Variants in DLEC1 observed in about 807,000 individuals in gnomAD.
DLEC1 encodes the protein deleted in lung and esophageal cancer protein 1.
Under a neutral mutation model 198.1 loss-of-function variants are expected in DLEC1, and 146 were observed. The observed-to-expected ratio is 0.74, with a 90% CI of 0.64 to 0.85. DLEC1 has a LOEUF of 0.85. DLEC1 is among the 40% of genes least tolerant of loss of function. The pLI, the probability that DLEC1 is intolerant of heterozygous loss-of-function variation, is 0.00. For missense variants in DLEC1, 2,233 were observed against 2,220.0 expected, an observed-to-expected ratio of 1.01 and a Z score of -0.12; for synonymous variants, 897 against 866.8, an observed-to-expected ratio of 1.03 and a Z score of -0.61.
At chr3:38,116,263 G>C (rs1205845893) in intron 27 of DLEC1, among the ~76,000 whole-genome samples, 190 bp from the exon 28 acceptor site, 1 of 152,210 alleles carries the variant, frequency 6.6e-6, no homozygotes, top group East Asian at 1.9e-4. Context: ...AACGGCATAA[G>C]CCTGTAAAGC....
chr3:38,122,160 A>G lies in DLEC1; in HGVS notation c.5110A>G (p.Thr1704Ala), dbSNP rs983346608. 36 of 1,613,716 alleles carry G rather than the reference A, an allele frequency of 2.2e-5. No individual in the cohort carries two copies. The highest frequency in any genetic ancestry group is 2.5e-5 in the Non-Finnish European group (29 of 1,179,924). The change falls in exon 36 of 37, where the codon ACC (threonine) becomes GCC (alanine). Residue 1704 changes from threonine (T) to alanine (A), a missense_variant. Physicochemically the swap from Thr to Ala is moderately conservative, Grantham distance 58. Coordinates refer to ENST00000308059, the MANE Select transcript of DLEC1 (RefSeq NM_007335.4). ...AGCACGATCCGCCAATGCACCCCCA[A>G]CCTCCATCGCCTTGCAGGTTTTCTT... is the stretch of plus-strand genomic sequence containing the variant. Reference protein sequence around the residue: ...LEARSANAPPTSIALQVFFTA... With the variant: ...LEARSANAPPASIALQVFFTA...
chr3:38,039,807 T>C (rs527662017), intron 1 of DLEC1, among the ~76,000 whole-genome samples, 171 bp downstream of exon 1: 5 of 152,298 alleles, frequency 3.3e-5, no homozygotes, highest in African/African-American at 1.2e-4. Flanking sequence ...GCTCTATCCA[T>C]ACACACACAT....
Position 38,089,022 on chromosome 3 carries a change from G to A in DLEC1, c.1665+634G>A, listed in dbSNP as rs145319878. Among the ~76,000 whole-genome samples the A allele has an allele frequency of 2.6e-4, 39 of 152,214 alleles. 1 individual carries two copies. Among genetic ancestry groups the A allele is most frequent in the African/African-American group, 9.1e-4 (38 of 41,538 alleles). Reference sequence around the variant, plus strand: ...CACACTGCCACTCTCCCCGACTCCTGGTCTAGGAGTCTGACTCCACTTCAT... The same window carrying A: ...CACACTGCCACTCTCCCCGACTCCTAGTCTAGGAGTCTGACTCCACTTCAT... On this transcript the variant is annotated intron_variant, in intron 10 of 36. Coordinates refer to ENST00000308059, the MANE Select transcript of DLEC1 (RefSeq NM_007335.4).
chr3:38,050,223 C>G (rs1701048878), intron 2 of DLEC1, among the ~76,000 whole-genome samples: 1 of 152,084 alleles, frequency 6.6e-6, no homozygotes, highest in Non-Finnish European at 1.5e-5. Context: ...CACATACCAC[C>G]ACACCCGGCT....
At chr3:38,053,479 G>T (rs1262415618) in intron 2 of DLEC1, among the ~76,000 whole-genome samples, 2 of 134,522 alleles carry the variant, frequency 1.5e-5, no homozygotes, top group African/African-American at 5.7e-5. Flanking sequence ...CTGCCCAGCC[G>T]CCCTGTCTGA....
chr3:38,066,145 A>G (rs1175216435), intron 6 of DLEC1, among the ~76,000 whole-genome samples: 1 of 152,248 alleles, frequency 6.6e-6, no homozygotes, highest in East Asian at 1.9e-4. Flanking sequence ...ATGATCAGTT[A>G]TGAATGGCAT....
Position 38,045,560 on chromosome 3 carries a change from G to A in DLEC1, c.429G>A (p.Lys143=), listed in dbSNP as rs988628704. 2.5e-6 allele frequency: 4 copies of A among 1,613,458 alleles called. No individual in the cohort carries two copies. The highest frequency in any genetic ancestry group is 3.4e-6 in the Non-Finnish European group (4 of 1,179,868). The change falls in exon 2 of 37, where the codon AAG becomes AAA. Residue 143 remains lysine (K), a synonymous_variant. Transcript: ENST00000308059. ...DQLQQIRELY[K]QRLDEFEMLE... ...CCTGCCAGATTCGGGAGCTCTATAAGCAGCGGCTGGATGAGTTTGAAATGT... is the reference window on the plus strand; with the variant it reads ...CCTGCCAGATTCGGGAGCTCTATAAACAGCGGCTGGATGAGTTTGAAATGT...
intron 12 of DLEC1, among the ~76,000 whole-genome samples, chr3:38,094,004 G>C (rs1698880870): frequency 6.6e-6 from 1 of 152,146 alleles, no homozygotes; most frequent in Non-Finnish European, 1.5e-5. Context: ...TTCCTCAGTG[G>C]CACCAGCCAC....
At chr3:38,090,209 T>G (rs1303375649) in intron 10 of DLEC1, among the ~76,000 whole-genome samples, 2 of 151,912 alleles carry the variant, frequency 1.3e-5, no homozygotes, top group Non-Finnish European at 2.9e-5. Context: ...AATAAATAAA[T>G]AAAAATAAAA....
intron 25 of DLEC1, among the ~76,000 whole-genome samples, chr3:38,113,993 C>T (rs1028812466): frequency 6.6e-6 from 1 of 151,792 alleles, no homozygotes. Context: ...CTCAGGCTTG[C>T]CAGGTGCAGT....
chr3:38,118,400 A>C (rs1279797869), intron 33 of DLEC1, among the ~76,000 whole-genome samples: 1 of 152,104 alleles, frequency 6.6e-6, no homozygotes, highest in Non-Finnish European at 1.5e-5. Context: ...GTGCAAGCTC[A>C]GGGTTTGTGT....
chr3:38,044,688 G>A (rs916224194), intron 1 of DLEC1, among the ~76,000 whole-genome samples: 2 of 152,242 alleles, frequency 1.3e-5, no homozygotes, highest in Non-Finnish European at 2.9e-5. Flanking sequence ...GACTACAGGT[G>A]CACACCACCA....
rs542508168 is a variant in DLEC1 at position 38,062,292 on chromosome 3, A to G, written c.797A>G (p.Glu266Gly). The G allele has an allele frequency of 2.5e-6, 4 of 1,614,210 alleles. No homozygotes were observed. In the South Asian group the frequency reaches 4.4e-5, roughly 18 times the overall value. Residue 266 changes from glutamate (E) to glycine (G), a missense_variant, in exon 4 of 37, where the codon GAG becomes GGG. By Grantham distance (98) the Glu-to-Gly change is moderately conservative. Transcript: ENST00000308059. ...AAGAAGCTTGCTGAGTTCGAAGATGAGTTAGACCACACTGTGGACAGCCTG... is the reference window on the plus strand; with the variant it reads ...AAGAAGCTTGCTGAGTTCGAAGATGGGTTAGACCACACTGTGGACAGCCTG... ...CRKKLAEFED[E>G]LDHTVDSLTW...
intron 32 of DLEC1, 42 bp from the exon 33 acceptor site, chr3:38,117,764 G>T: frequency 1.2e-6 from 2 of 1,603,220 alleles, no homozygotes; most frequent in South Asian, 1.1e-5. Context: ...TGAAGAGAGA[G>T]ACAAGATGCA....
At chr3:38,054,250 G>C (rs1696232683) in intron 2 of DLEC1, among the ~76,000 whole-genome samples, 4 of 152,196 alleles carry the variant, frequency 2.6e-5, no homozygotes, top group South Asian at 4.1e-4. Context: ...CAAAAACAAG[G>C]GTTTGAAGTT....
At chr3:38,096,759 G>C in intron 15 of DLEC1, 22 bp downstream of exon 15, 1 of 1,582,688 alleles carries the variant, frequency 6.3e-7, no homozygotes, top group South Asian at 1.2e-5. Context: ...TCTCTCCCCT[G>C]CCTAGGCTGG....
In DLEC1 at chr3:38,122,246, G is replaced by T. The variant is rs778014509; in HGVS notation, c.5145-43G>T. 9 of 1,608,104 alleles carry T rather than the reference G, an allele frequency of 5.6e-6. No homozygotes were observed. The Admixed American group carries it at 1.5e-4, about 27-fold the overall frequency. The stretch of plus-strand genomic sequence containing the variant: ...ACTGCCCACAGAGCCTGGACCCCCT[G>T]CCCAGGTGCCTCCTAACCTCAGCCC... On this transcript the variant is annotated intron_variant, in intron 36 of 36. Coordinates refer to ENST00000308059, the MANE Select transcript of DLEC1 (RefSeq NM_007335.4).
In DLEC1 at chr3:38,045,693, G is replaced by C. The variant is rs201843677; in HGVS notation, c.562G>C (p.Val188Leu). The C allele has an allele frequency of 3.0e-5, 49 of 1,609,662 alleles. No homozygotes were observed. The highest frequency in any genetic ancestry group is 4.1e-5 in the Non-Finnish European group (48 of 1,178,416). Residue 188 changes from valine (V) to leucine (L), a missense_variant and splice_region_variant, in exon 2 of 37, where the codon GTG becomes CTG. Coordinates refer to ENST00000308059, the MANE Select transcript of DLEC1 (RefSeq NM_007335.4). ...DLESLVRLPP[V>L]KSVSRWCIDS... ...CGAGAGCCTTGTCAGGTTGCCTCCAGGTGTGTATAAAGAACTCCCACATGC... is the reference window on the plus strand; with the variant it reads ...CGAGAGCCTTGTCAGGTTGCCTCCACGTGTGTATAAAGAACTCCCACATGC...
At chr3:38,077,472 G>A (rs142711236) in intron 6 of DLEC1, among the ~76,000 whole-genome samples, 1,537 of 152,288 alleles carry the variant, frequency 0.01, 26 homozygotes, top group African/African-American at 0.034. Flanking sequence ...TTAAGTTGGT[G>A]GCTGAGCTTG....
Sources: gnomAD v4.1 joint callset for allele counts (sites outside exome capture counted in the v4.1 genomes callset) on GRCh38, gnomAD v4.1.1 for gene constraint, MANE v1.5 for transcripts, NCBI Gene and HGNC (gene_info 2026-07-23, HGNC 2026-07-21) for gene names.